CAST: variants seen among roughly 807,000 people sequenced by gnomAD.
CAST encodes calpastatin, also known as MIR583 host.
A neutral mutation model predicts 119.6 loss-of-function variants in CAST; 76 were observed. The observed-to-expected ratio is 0.64, with a 90% confidence interval of 0.53 to 0.77. CAST has a LOEUF of 0.77. Ranked by LOEUF, CAST falls within the 30% of genes least tolerant of loss-of-function variation. The pLI, the probability that CAST is intolerant of heterozygous loss-of-function variation, is 0.00. For synonymous variants in CAST, 319 were observed against 331.6 expected (o/e 0.96, Z 0.41); for missense variants, 953 against 946.5 (o/e 1.01, Z -0.09).
At chr5:96,421,741 A>G in the CAST span, 4 of 689,896 alleles carry the variant, frequency 5.8e-6, no homozygotes, top group Admixed American at 9.0e-5. Flanking sequence ...TTTAAAAGCA[A>G]CAAAATATTG....
At chr5:96,000,230 T>A in the CAST span, among the ~76,000 whole-genome samples, 1 of 152,170 alleles carries the variant, frequency 6.6e-6, no homozygotes, top group African/African-American at 2.4e-5. Flanking sequence ...GTGATATCTT[T>A]TGTAGTTACA....
At chr5:96,104,219 G>A in the CAST span, among the ~76,000 whole-genome samples, 1 of 152,180 alleles carries the variant, frequency 6.6e-6, no homozygotes, top group African/African-American at 2.4e-5. Context: ...CTTTTGCGGT[G>A]CAGAAGCTCT....
At chr5:96,763,730 A>T (rs1221231060) in intron 25 of CAST, among the ~76,000 whole-genome samples, 1 of 152,248 alleles carries the variant, frequency 6.6e-6, no homozygotes, top group Non-Finnish European at 1.5e-5. Context: ...TGCTGTGATT[A>T]TTAGATTGTT....
At chr5:96,456,431 C>G in the CAST span, among the ~76,000 whole-genome samples, 1 of 152,138 alleles carries the variant, frequency 6.6e-6, no homozygotes. Flanking sequence ...TATACAGTTA[C>G]AGTAATATAT....
chr5:96,052,327 T>C, the CAST span, among the ~76,000 whole-genome samples: 1 of 152,196 alleles, frequency 6.6e-6, no homozygotes, highest in Non-Finnish European at 1.5e-5. Flanking sequence ...TCTTCTAGTG[T>C]TGAAGATGGA....
the CAST span, among the ~76,000 whole-genome samples, chr5:96,145,367 G>A: frequency 2.0e-5 from 3 of 152,104 alleles, no homozygotes; most frequent in African/African-American, 7.2e-5. Flanking sequence ...AAACTCTATT[G>A]AAATTCTCTG....
the CAST span, among the ~76,000 whole-genome samples, chr5:96,019,097 G>C: frequency 6.6e-6 from 1 of 152,134 alleles, no homozygotes; most frequent in Non-Finnish European, 1.5e-5. Flanking sequence ...GATAGAAAAA[G>C]GGAGGGGGAA....
the CAST span, among the ~76,000 whole-genome samples, chr5:96,384,763 A>G: frequency 6.6e-6 from 1 of 152,176 alleles, no homozygotes; most frequent in Non-Finnish European, 1.5e-5. Flanking sequence ...CCGAGAGAAC[A>G]CTGGTCCCTG....
intron 1 of CAST, among the ~76,000 whole-genome samples, chr5:96,575,297 C>T (rs2124885): frequency 0.065 from 9,805 of 151,924 alleles, 865 homozygotes; most frequent in East Asian, 0.31. Flanking sequence ...TCTAGAAGTA[C>T]TTTTTGGTAC....
intron 1 of CAST, among the ~76,000 whole-genome samples, chr5:96,649,759 G>A (rs145640636): frequency 8.5e-5 from 13 of 152,172 alleles, no homozygotes; most frequent in African/African-American, 2.2e-4. Context: ...GTTTATTGTC[G>A]GCATTCAAAC....
the CAST span, among the ~76,000 whole-genome samples, chr5:96,018,367 T>C: frequency 6.6e-6 from 1 of 151,922 alleles, no homozygotes; most frequent in East Asian, 1.9e-4. Flanking sequence ...TAAGTAAGCA[T>C]AGACATTGTG....
the CAST span, chr5:96,397,384 T>C: frequency 3.1e-6 from 5 of 1,611,532 alleles, no homozygotes; most frequent in Admixed American, 8.3e-5. Context: ...TCTCTCCCCA[T>C]GTGTGAACAG....
At chr5:96,331,165 C>T in the CAST span, among the ~76,000 whole-genome samples, 2 of 152,182 alleles carry the variant, frequency 1.3e-5, no homozygotes, top group African/African-American at 4.8e-5. Context: ...AACCTTGACT[C>T]AGGAGTCCTA....
the CAST span, among the ~76,000 whole-genome samples, chr5:96,255,735 G>A: frequency 3.9e-5 from 6 of 152,074 alleles, no homozygotes; most frequent in African/African-American, 1.4e-4. Flanking sequence ...AAAGGGCCTG[G>A]TCTAATTTTG....
chr5:96,086,069 T>C, the CAST span, among the ~76,000 whole-genome samples: 3 of 152,218 alleles, frequency 2.0e-5, no homozygotes, highest in Non-Finnish European at 2.9e-5. Flanking sequence ...ATATGACCTA[T>C]GTACATTTTT....
chr5:96,016,135 A>C, the CAST span, among the ~76,000 whole-genome samples: 46 of 152,288 alleles, frequency 3.0e-4, no homozygotes, highest in African/African-American at 1.1e-3. Context: ...TGCCTAGGAG[A>C]TCAGCCTGCC....
the CAST span, among the ~76,000 whole-genome samples, chr5:96,515,093 A>G: frequency 0.023 from 3,542 of 152,250 alleles, 138 homozygotes; most frequent in African/African-American, 0.08. Context: ...TTTCTGTGGT[A>G]GAGATTGTCC....
intron 1 of CAST, among the ~76,000 whole-genome samples, chr5:96,561,786 G>GGTTTATTT (rs1189100090): frequency 9.5e-6 from 1 of 105,432 alleles, no homozygotes; most frequent in Non-Finnish European, 1.9e-5. Context: ...TTATATATAT[G>GGTTTATTT]TTTTTTTTTG....
chr5:96,479,169 C>T, the CAST span, among the ~76,000 whole-genome samples: 3 of 152,166 alleles, frequency 2.0e-5, no homozygotes, highest in East Asian at 5.8e-4. Context: ...AGTACAGGCT[C>T]TTCCCACGGC....
Sources: gnomAD v4.1 joint callset for allele counts (sites outside exome capture counted in the v4.1 genomes callset) on GRCh38, gnomAD v4.1.1 for gene constraint, MANE v1.5 for transcripts, NCBI Gene and HGNC (gene_info 2026-07-23, HGNC 2026-07-21) for gene names.